C6orf118: variants seen among roughly 807,000 people sequenced by gnomAD.
C6orf118 encodes the protein uncharacterized protein C6orf118.
A neutral mutation model predicts 50.2 loss-of-function variants in C6orf118; 50 were observed. That is an observed-to-expected ratio of 1.00 (90% confidence interval 0.79 to 1.26). The LOEUF is 1.26. Among genes scored for constraint, C6orf118 ranks in the 50% most tolerant of loss-of-function variants. The probability of loss-of-function intolerance (pLI) is 0.00; values close to 1 mark genes in which losing one functional copy is unlikely to be tolerated. For missense variants in C6orf118, 641 were observed against 578.7 expected, an observed-to-expected ratio of 1.11 and a Z score of -1.10; for synonymous variants, 239 against 230.9, an observed-to-expected ratio of 1.03 and a Z score of -0.32.
In C6orf118 at chr6:165,294,506, G is replaced by T. The variant is rs534424730; in HGVS notation, c.1062-1035C>A. 2.6e-5 allele frequency among the ~76,000 whole-genome samples: 4 copies of T among 152,210 alleles called. No homozygotes were observed. The South Asian group carries it at 6.2e-4, about 24-fold the overall frequency. On this transcript the variant is annotated intron_variant, in intron 5 of 8. Transcript: ENST00000230301. ...ATTTAAAGCCAAATGTCTACAAAGG[G>T]CCTAACATTTTAAGAGTTTTACACA...
chr6:165,302,583 A>C (rs1242810918), intron 1 of C6orf118, among the ~76,000 whole-genome samples: 1 of 152,220 alleles, frequency 6.6e-6, no homozygotes, highest in East Asian at 1.9e-4. Context: ...TTGGCAGAGT[A>C]TTTCTTACAA....
intron 8 of C6orf118, 99 bp from the exon 9 acceptor site, chr6:165,280,209 CA>C: frequency 4.0e-6 from 3 of 759,354 alleles, no homozygotes; most frequent in Non-Finnish European, 6.4e-6. Flanking sequence ...CACATTTACC[CA>C]AAAACAGACA....
chr6:165,293,124 T>A (rs1780162448), intron 6 of C6orf118: 1 of 344,860 alleles, frequency 2.9e-6, no homozygotes, highest in Admixed American at 4.1e-5. Context: ...TGTAAAATGT[T>A]AATATCTATT....
Position 165,302,259 on chromosome 6 carries a change from C to A in C6orf118, c.63G>T (p.Val21=). The change falls in exon 2 of 9, where the codon GTG becomes GTT. Residue 21 remains valine (V), a synonymous_variant. Coordinates refer to ENST00000230301, the MANE Select transcript of C6orf118 (RefSeq NM_144980.4). ...AGTGCTTCAGATTACACAGGGTCTTCACGCCTGGCGTCTCGCAGTGCTTCC... is the reference window on the plus strand; with the variant it reads ...AGTGCTTCAGATTACACAGGGTCTTAACGCCTGGCGTCTCGCAGTGCTTCC... ...LKWKHCETPG[V]KTLCNLKHCE... 6.2e-7 allele frequency: 1 copy of A among 1,613,906 alleles called. No individual in the cohort carries two copies. The highest frequency in any genetic ancestry group is 8.5e-7 in the Non-Finnish European group (1 of 1,179,976).
At chr6:165,300,775 C>A (rs1200768163) in intron 2 of C6orf118, among the ~76,000 whole-genome samples, 1 of 152,064 alleles carries the variant, frequency 6.6e-6, no homozygotes, top group African/African-American at 2.4e-5. Flanking sequence ...CCCCAAAGGC[C>A]CTTTCTCTCT....
At chr6:165,293,220 C>G (rs895676310) in intron 6 of C6orf118, 193 bp downstream of exon 6, 12 of 581,594 alleles carry the variant, frequency 2.1e-5, no homozygotes, top group East Asian at 8.2e-5. Context: ...GAAGAACAAA[C>G]AGGCAGTCAC....
At chr6:165,293,523 T>C in intron 5 of C6orf118, 52 bp from the exon 6 acceptor site, 1 of 1,482,788 alleles carries the variant, frequency 6.7e-7, no homozygotes. Flanking sequence ...ATTATATCTT[T>C]TGTCTTTTGT....
chr6:165,294,268 CAAAA>C (rs941251293), intron 5 of C6orf118, among the ~76,000 whole-genome samples: 2 of 112,506 alleles, frequency 1.8e-5, no homozygotes, highest in Admixed American at 9.1e-5. Context: ...AAAAAAAAAA[CAAAA>C]AAAAAAAAAG....
At chr6:165,302,911 G>C (rs1164855333) in intron 1 of C6orf118, among the ~76,000 whole-genome samples, 1 of 152,136 alleles carries the variant, frequency 6.6e-6, no homozygotes, top group African/African-American at 2.4e-5. Context: ...AACCACTTTT[G>C]GCAAAGAGGC....
At chr6:165,299,864 A>G (rs1243076190) in intron 3 of C6orf118, among the ~76,000 whole-genome samples, 1 of 152,130 alleles carries the variant, frequency 6.6e-6, no homozygotes, top group Non-Finnish European at 1.5e-5. Context: ...TTGTATTTTT[A>G]GAAGAGATGG....
chr6:165,281,553 T>C, intron 8 of C6orf118, 87 bp downstream of exon 8: 2 of 1,437,106 alleles, frequency 1.4e-6, no homozygotes, highest in East Asian at 2.9e-5. Flanking sequence ...AGAATTACGA[T>C]CAGTTGGTCA....
chr6:165,299,926 T>G (rs563716080), intron 3 of C6orf118, among the ~76,000 whole-genome samples: 75 of 152,256 alleles, frequency 4.9e-4, no homozygotes, highest in African/African-American at 1.8e-3. Flanking sequence ...TAAAGTGATC[T>G]GCCTGCATCA....
In C6orf118 at chr6:165,281,670, T is replaced by C; in HGVS notation, c.1326A>G (p.Thr442=). The C allele has an allele frequency of 1.3e-6, 2 of 1,499,498 alleles. No individual in the cohort carries two copies. The highest frequency in any genetic ancestry group is 1.8e-6 in the Non-Finnish European group (2 of 1,116,642). The allele number at this position is 1,499,498 out of a possible 1,614,324, so 92.9% of individuals were successfully genotyped here. The stretch of plus-strand genomic sequence containing the variant: ...TTTTCTTCTTTAAAATCATATTTTC[T>C]GTTTCCAATTGTATAGCTTCATGCT... ...SIEHEAIQLE[T]ENMILKKKIK... is the part of the protein sequence containing the mutation. Residue 442 remains threonine (T), a synonymous_variant, in exon 8 of 9, where the codon ACA becomes ACG. Coordinates refer to ENST00000230301, the MANE Select transcript of C6orf118 (RefSeq NM_144980.4).
rs145574207 is a variant in C6orf118, at chr6:165,301,782, G to A, written c.540C>T (p.Pro180=). 29 of 1,613,970 alleles carry A rather than the reference G, an allele frequency of 1.8e-5. 1 individual carries two copies. Among genetic ancestry groups the A allele is most frequent in the African/African-American group, 1.3e-4 (10 of 74,996 alleles). The change falls in exon 2 of 9, where the codon CCC becomes CCT. Residue 180 remains proline (P), a synonymous_variant. Coordinates refer to ENST00000230301, the MANE Select transcript of C6orf118 (RefSeq NM_144980.4). ...CCTGGTAGCACAGCACCTTCAAGTCGGGCAGCCGGAGTTCTTCCCTCCTGC... is the reference window on the plus strand; with the variant it reads ...CCTGGTAGCACAGCACCTTCAAGTCAGGCAGCCGGAGTTCTTCCCTCCTGC... ...GWRRREELRL[P]DLKVLCYQEA... is the part of the protein sequence containing the mutation.
In C6orf118 at chr6:165,280,156, A is replaced by G. The variant is rs370831878; in HGVS notation, c.1357-46T>C. Reference sequence around the variant, plus strand: ...AATACCATAGGTTAGAAAAAAATACATTAAGCATGAAATAAAATTTCAAAA... The same window carrying G: ...AATACCATAGGTTAGAAAAAAATACGTTAAGCATGAAATAAAATTTCAAAA... On this transcript the variant is annotated intron_variant, in intron 8 of 8. Coordinates refer to ENST00000230301, the MANE Select transcript of C6orf118 (RefSeq NM_144980.4). 5 of 1,331,896 alleles carry G rather than the reference A, an allele frequency of 3.8e-6. No homozygotes were observed. The African/African-American group carries it at 6.0e-5, about 16-fold the overall frequency. The allele number at this position is 1,331,896 out of a possible 1,614,324, so 82.5% of individuals were successfully genotyped here.
chr6:165,295,581 G>A (rs981718448), intron 5 of C6orf118, among the ~76,000 whole-genome samples: 3 of 152,052 alleles, frequency 2.0e-5, no homozygotes, highest in Admixed American at 2.0e-4. Context: ...TAGTATGTGA[G>A]ATTGCTAATT....
At chr6:165,283,028 C>T (rs1158904963) in intron 7 of C6orf118, among the ~76,000 whole-genome samples, 4 of 152,026 alleles carry the variant, frequency 2.6e-5, no homozygotes, top group South Asian at 2.1e-4. Flanking sequence ...AAACAAAAAC[C>T]GCGAAGAAAA....
chr6:165,295,493 T>C (rs1780258455), intron 5 of C6orf118, among the ~76,000 whole-genome samples: 1 of 152,206 alleles, frequency 6.6e-6, no homozygotes, highest in Admixed American at 6.5e-5. Flanking sequence ...CATTTTCTGT[T>C]CTTTTCTCAT....
At position 165,279,959 on chromosome 6, in the gene C6orf118, A is replaced by G; in HGVS notation, c.*98T>C. ...ACTAGAGATTAAAGCTGATGAAATG[A>G]AATGTATCTTTATGAATGTATATGC... is the stretch of plus-strand genomic sequence containing the variant. On this transcript the variant is annotated 3_prime_UTR_variant, in exon 9 of 9. Transcript: ENST00000230301. 1.6e-6 allele frequency: 2 copies of G among 1,225,102 alleles called. No individual in the cohort carries two copies. The highest frequency in any genetic ancestry group is 1.1e-6 in the Non-Finnish European group (1 of 876,152). 75.9% of individuals were successfully genotyped at this position (1,225,102 alleles called of 1,614,324 possible). A position where few individuals can be genotyped will look rare whatever the true frequency, so the allele number is the denominator to read the frequency against.
Sources: allele counts gnomAD v4.1 joint callset (sites outside exome capture counted in the v4.1 genomes callset), GRCh38; gene constraint gnomAD v4.1.1; transcripts MANE v1.5; gene names NCBI Gene and HGNC (gene_info 2026-07-23, HGNC 2026-07-21).